Variants in DCDC2C observed in about 807,000 individuals in gnomAD.
DCDC2C encodes doublecortin domain-containing protein 2C.
Under a neutral mutation model 45.0 loss-of-function variants are expected in DCDC2C, and 44 were observed. The ratio of observed to expected loss-of-function variants is 0.98; its 90% confidence interval spans 0.77 to 1.26. The LOEUF (loss-of-function observed/expected upper bound fraction) is 1.26. Among genes scored for constraint, DCDC2C ranks in the 50% most tolerant of loss-of-function variants. DCDC2C has a pLI of 0.00. For synonymous variants in DCDC2C, 187 were observed against 178.8 expected, an observed-to-expected ratio of 1.05 and a Z score of -0.37; for missense variants, 447 against 468.9, an observed-to-expected ratio of 0.95 and a Z score of 0.43.
At chr2:3,782,321 G>A (rs1426434231) in intron 9 of DCDC2C, among the ~76,000 whole-genome samples, 1 of 152,142 alleles carries the variant, frequency 6.6e-6, no homozygotes, top group Non-Finnish European at 1.5e-5. Context: ...AGCAAAAATA[G>A]AACTGTGCTT....
At chr2:3,750,392 T>C (rs1669510028) in intron 4 of DCDC2C, among the ~76,000 whole-genome samples, 1 of 152,236 alleles carries the variant, frequency 6.6e-6, no homozygotes, top group Non-Finnish European at 1.5e-5. Flanking sequence ...CTGGATTCGC[T>C]GTTCCTTTTA....
intron 10 of DCDC2C, among the ~76,000 whole-genome samples, chr2:3,809,457 T>G (rs1671335752): frequency 6.6e-6 from 1 of 152,248 alleles, no homozygotes; most frequent in Non-Finnish European, 1.5e-5. Context: ...ATCAGATTTA[T>G]GCATAAATAT....
Position 3,802,010 on chromosome 2 carries a change from A to T in DCDC2C, c.1065+16910A>T, listed in dbSNP as rs560677369. ...GTGTCCCATCAATGTCATGTTCCTA[A>T]GTTCTTGATGGAAATGCTATGTGAG... On this transcript the variant is annotated intron_variant, in intron 10 of 10. Transcript: ENST00000399143. 3.3e-5 allele frequency among the ~76,000 whole-genome samples: 5 copies of T among 152,310 alleles called. 1 individual carries two copies. In the South Asian group the frequency reaches 1.0e-3, roughly 32 times the overall value.
At chr2:3,742,134 A>C in intron 4 of DCDC2C, 86 bp downstream of exon 4, 1 of 1,402,056 alleles carries the variant, frequency 7.1e-7, no homozygotes, top group Non-Finnish European at 9.4e-7. Context: ...TGGACCAGCA[A>C]GGTCTAAAAT....
chr2:3,805,126 T>G (rs1375401084), intron 10 of DCDC2C, among the ~76,000 whole-genome samples: 29 of 152,310 alleles, frequency 1.9e-4, no homozygotes, highest in Non-Finnish European at 2.9e-5. Context: ...CAACTGACAC[T>G]TTTTACTCCC....
intron 10 of DCDC2C, among the ~76,000 whole-genome samples, chr2:3,787,053 T>C (rs1165993034): frequency 6.6e-6 from 1 of 152,222 alleles, no homozygotes; most frequent in Admixed American, 6.5e-5. Flanking sequence ...GTGTAATCCA[T>C]TTGTTATGTG....
intron 10 of DCDC2C, among the ~76,000 whole-genome samples, chr2:3,817,358 C>T (rs1259769036): frequency 2.0e-5 from 3 of 152,070 alleles, no homozygotes; most frequent in Non-Finnish European, 2.9e-5. Flanking sequence ...CATGGTGGTG[C>T]AGGATATGGA....
intron 6 of DCDC2C, among the ~76,000 whole-genome samples, chr2:3,758,080 T>C (rs1024261610): frequency 6.6e-6 from 1 of 152,170 alleles, no homozygotes; most frequent in Non-Finnish European, 1.5e-5. Context: ...TGGAATAAAT[T>C]GTATGGACTG....
chr2:3,729,024 C>T (rs1668781996), intron 3 of DCDC2C, among the ~76,000 whole-genome samples: 2 of 152,354 alleles, frequency 1.3e-5, no homozygotes, highest in South Asian at 4.1e-4. Context: ...GCCCAGTGTT[C>T]TCTCTGATGT....
intron 10 of DCDC2C, among the ~76,000 whole-genome samples, chr2:3,819,376 G>A (rs369345907): frequency 1.3e-5 from 2 of 152,342 alleles, no homozygotes; most frequent in African/African-American, 4.8e-5. Context: ...AGATCCTGGT[G>A]GAGAAGGTCC....
intron 4 of DCDC2C, among the ~76,000 whole-genome samples, chr2:3,744,096 C>T (rs560193596): frequency 2.0e-5 from 3 of 146,610 alleles, no homozygotes; most frequent in Non-Finnish European, 2.9e-5. Flanking sequence ...GGAGGATTGC[C>T]GAGCAGGGTT....
chr2:3,833,095 G>C (rs1671990810), intron 10 of DCDC2C, among the ~76,000 whole-genome samples: 1 of 152,172 alleles, frequency 6.6e-6, no homozygotes, highest in African/African-American at 2.4e-5. Flanking sequence ...CCCTTCCTCT[G>C]TCTTCAAAGG....
At chr2:3,709,194 A>G (rs1014292965) in intron 2 of DCDC2C, among the ~76,000 whole-genome samples, 2 of 152,158 alleles carry the variant, frequency 1.3e-5, no homozygotes, top group Non-Finnish European at 2.9e-5. Context: ...AAACGGACTT[A>G]TTTTGTGGAT....
intron 2 of DCDC2C, among the ~76,000 whole-genome samples, chr2:3,715,288 A>G (rs934587076): frequency 1.3e-5 from 2 of 152,088 alleles, no homozygotes; most frequent in Non-Finnish European, 2.9e-5. Flanking sequence ...AGATTTAGAG[A>G]ACCTTTTTAT....
chr2:3,724,692 C>A lies in DCDC2C; in HGVS notation c.340-2311C>A, dbSNP rs143304794. On this transcript the variant is annotated intron_variant, in intron 2 of 10. Transcript: ENST00000399143. Reference sequence around the variant, plus strand: ...GTGTGTTGTGAAACCTGGCTGGGGTCTGGGTGTCGAGAAGCAGGGCCCCAG... The same window carrying A: ...GTGTGTTGTGAAACCTGGCTGGGGTATGGGTGTCGAGAAGCAGGGCCCCAG... Among the ~76,000 whole-genome samples the A allele has an allele frequency of 3.5e-3, 527 of 152,206 alleles. 4 individuals carry two copies. Among genetic ancestry groups the A allele is most frequent in the Middle Eastern group, 0.014 (4 of 294 alleles).
intron 10 of DCDC2C, among the ~76,000 whole-genome samples, chr2:3,846,723 T>C (rs914785993): frequency 6.6e-6 from 1 of 152,140 alleles, no homozygotes; most frequent in East Asian, 1.9e-4. Context: ...AGAGAGTTAT[T>C]CAGCACCACG....
At chr2:3,839,203 G>C (rs191936114) in intron 10 of DCDC2C, among the ~76,000 whole-genome samples, 1 of 152,042 alleles carries the variant, frequency 6.6e-6, no homozygotes, top group African/African-American at 2.4e-5. Flanking sequence ...ATTTAAAAAC[G>C]TTCTAACCCA....
At chr2:3,820,474 C>T (rs1335630232) in intron 10 of DCDC2C, among the ~76,000 whole-genome samples, 2 of 151,948 alleles carry the variant, frequency 1.3e-5, no homozygotes, top group Non-Finnish European at 2.9e-5. Context: ...TCCCCGCAAT[C>T]GACTTGCCAC....
At chr2:3,808,770 C>G (rs1671319698) in intron 10 of DCDC2C, among the ~76,000 whole-genome samples, 1 of 152,180 alleles carries the variant, frequency 6.6e-6, no homozygotes, top group African/African-American at 2.4e-5. Context: ...TCCAATTTAT[C>G]AATCTTTTCT....
Sources: gnomAD v4.1 joint callset for allele counts (sites outside exome capture counted in the v4.1 genomes callset) on GRCh38, gnomAD v4.1.1 for gene constraint, MANE v1.5 for transcripts, NCBI Gene and HGNC (gene_info 2026-07-23, HGNC 2026-07-21) for gene names.